Variants in GPRC6A observed in about 807,000 individuals in gnomAD.
GPRC6A encodes G protein-coupled receptor family C group 6 member A.
GPRC6A carries 54 observed loss-of-function variants against 47.0 expected under a neutral mutation model. The ratio of observed to expected loss-of-function variants is 1.15; its 90% CI spans 0.92 to 1.44. The LOEUF (loss-of-function observed/expected upper bound fraction) is 1.44. Ranked by LOEUF, GPRC6A falls within the 40% of genes most tolerant of loss-of-function variation. The pLI, the probability that GPRC6A is intolerant of heterozygous loss-of-function variation, is 0.00. For synonymous variants in GPRC6A, 347 were observed against 377.1 expected, an observed-to-expected ratio of 0.92 and a Z score of 0.93; for missense variants, 1,112 against 1,105.5, an observed-to-expected ratio of 1.01 and a Z score of -0.08.
chr6:116,824,175 T>G (rs1259906156), intron 1 of GPRC6A, among the ~76,000 whole-genome samples: 1 of 151,714 alleles, frequency 6.6e-6, no homozygotes, highest in East Asian at 1.9e-4. Flanking sequence ...AACCTAAGAA[T>G]GTATCTTAAG....
intron 1 of GPRC6A, among the ~76,000 whole-genome samples, chr6:116,826,384 C>T (rs77554140): frequency 6.6e-6 from 1 of 151,606 alleles, no homozygotes; most frequent in African/African-American, 2.4e-5. Context: ...AGAACATGAA[C>T]AGATGATTCT....
rs767813992 is a variant in GPRC6A, at chr6:116,792,647, A to C, written c.2276T>G (p.Ile759Ser). ...GAAGCAAATGAAGGCCAGGATGGCA[A>C]TGTAGCCCAGCATGGTGCCAAATGC... Reference protein sequence around the residue: ...ILAFGTMLGYIAILAFICFIF... With the variant: ...ILAFGTMLGYSAILAFICFIF... The change falls in exon 6 of 6, where the codon ATT (isoleucine) becomes AGT (serine). Residue 759 changes from isoleucine to serine, a missense_variant. Transcript: ENST00000310357. 4 of 1,613,518 alleles carry C rather than the reference A, an allele frequency of 2.5e-6. No homozygotes were observed. The African/African-American group carries it at 4.0e-5, about 16-fold the overall frequency.
At position 116,792,402 on chromosome 6, in the gene GPRC6A, G is replaced by T. The variant is rs367778621; in HGVS notation, c.2521C>A (p.Gln841Lys). 34 of 1,613,956 alleles carry T rather than the reference G, an allele frequency of 2.1e-5. No individual in the cohort carries two copies. In the African/African-American group the frequency reaches 4.1e-4, roughly 20 times the overall value. Residue 841 changes from glutamine to lysine, a missense_variant, in exon 6 of 6, where the codon CAA becomes AAA. Coordinates refer to ENST00000310357, the MANE Select transcript of GPRC6A (RefSeq NM_148963.4). The stretch of plus-strand genomic sequence containing the variant: ...AAGGCAGACTTTGTGTTAATCTCTT[G>T]CTTACAAATAATAACATAGCATTTG... ...IPKCYVIICK[Q>K]EINTKSAFLK...
rs556997885 is a variant in GPRC6A, at chr6:116,809,634, AT to A, written c.195-18del. On this transcript the variant is annotated intron_variant, in intron 1 of 5. Coordinates refer to ENST00000310357, the MANE Select transcript of GPRC6A (RefSeq NM_148963.4). Reference sequence around the variant, plus strand: ...ATTTCAAAGCTGTTGGGAAACAAGTATTTTTTGAAATCAGAACATAACTCTT... The same window carrying A: ...ATTTCAAAGCTGTTGGGAAACAAGTATTTTTGAAATCAGAACATAACTCTT... The A allele has an allele frequency of 1.1e-4, 178 of 1,581,262 alleles. No individual in the cohort carries two copies. In the African/African-American group the frequency reaches 2.3e-3, roughly 20 times the overall value.
intron 1 of GPRC6A, among the ~76,000 whole-genome samples, chr6:116,810,479 A>C (rs1048780382): frequency 1.3e-5 from 2 of 151,988 alleles, no homozygotes; most frequent in African/African-American, 4.8e-5. Context: ...ATTTTTTGCT[A>C]TTCTTTGGAC....
intron 1 of GPRC6A, among the ~76,000 whole-genome samples, chr6:116,826,324 A>G (rs552674575): frequency 3.9e-5 from 6 of 152,012 alleles, no homozygotes; most frequent in African/African-American, 1.4e-4. Context: ...TATGCATGAA[A>G]TTGAACAACT....
chr6:116,809,625 G>C lies in GPRC6A; in HGVS notation c.195-8C>G. 3 of 1,595,658 alleles carry C rather than the reference G, an allele frequency of 1.9e-6. No individual in the cohort carries two copies. The highest frequency in any genetic ancestry group is 2.6e-6 in the Non-Finnish European group (3 of 1,168,098). On this transcript the variant is annotated splice_region_variant and splice_polypyrimidine_tract_variant and intron_variant, in intron 1 of 5. Coordinates refer to ENST00000310357, the MANE Select transcript of GPRC6A (RefSeq NM_148963.4). ...AAAACTGATATTTCAAAGCTGTTGG[G>C]AAACAAGTATTTTTTGAAATCAGAA...
At chr6:116,793,340 A>G in intron 5 of GPRC6A, 90 bp from the exon 6 acceptor site, 1 of 843,102 alleles carries the variant, frequency 1.2e-6, no homozygotes, top group Non-Finnish European at 1.8e-6. Context: ...CTTCTTTAAT[A>G]GTTCTGACTA....
intron 1 of GPRC6A, among the ~76,000 whole-genome samples, chr6:116,825,460 A>G (rs1773650921): frequency 6.6e-6 from 1 of 151,984 alleles, no homozygotes; most frequent in East Asian, 1.9e-4. Flanking sequence ...CAAGAAAGCA[A>G]TCCCATTTAC....
chr6:116,811,512 T>C (rs2114602792), intron 1 of GPRC6A, among the ~76,000 whole-genome samples: 1 of 151,866 alleles, frequency 6.6e-6, no homozygotes, highest in South Asian at 2.1e-4. Flanking sequence ...CAGATCTCAA[T>C]CAAAAAGCAA....
intron 1 of GPRC6A, among the ~76,000 whole-genome samples, chr6:116,824,282 AC>A (rs966158747): frequency 7.9e-5 from 12 of 152,106 alleles, no homozygotes; most frequent in Non-Finnish European, 1.6e-4. Context: ...ACTAAAAAAA[AC>A]AAAGGATCAA....
At chr6:116,824,274 T>TAAA (rs557885039) in intron 1 of GPRC6A, among the ~76,000 whole-genome samples, 1 of 149,186 alleles carries the variant, frequency 6.7e-6, no homozygotes, top group African/African-American at 2.5e-5. Context: ...AAATAGAGAC[T>TAAA]AAAAAAAACA....
Position 116,828,821 on chromosome 6 carries a change from C to G in GPRC6A, c.193G>C (p.Gly65Arg). The change falls in exon 1 of 6, where the codon GGC (glycine) becomes CGC (arginine). Residue 65 changes from glycine to arginine, a missense_variant and splice_region_variant. Coordinates refer to ENST00000310357, the MANE Select transcript of GPRC6A (RefSeq NM_148963.4). ...PRRPQIQECV[G>R]FEISVFLQTL... ...ACGTGTTTTTTGAGACTTACTCACC[C>G]AACACACTCCTGGATTTGTGGTCGT... The G allele has an allele frequency of 6.2e-7, 1 of 1,610,332 alleles. No homozygotes were observed. Among genetic ancestry groups the G allele is most frequent in the Non-Finnish European group, 8.5e-7 (1 of 1,177,794 alleles).
At chr6:116,794,695 G>A (rs760641085) in intron 5 of GPRC6A, among the ~76,000 whole-genome samples, 1 of 152,098 alleles carries the variant, frequency 6.6e-6, no homozygotes, top group African/African-American at 2.4e-5. Context: ...AATTTTTTAG[G>A]CAGTGGTATA....
intron 5 of GPRC6A, 139 bp from the exon 6 acceptor site, chr6:116,793,389 T>A: frequency 1.9e-6 from 1 of 526,164 alleles, no homozygotes; most frequent in Non-Finnish European, 3.1e-6. Flanking sequence ...GGTTACTTAT[T>A]AAAATAAAAC....
At chr6:116,823,939 A>T (rs906131427) in intron 1 of GPRC6A, among the ~76,000 whole-genome samples, 16 of 152,054 alleles carry the variant, frequency 1.1e-4, no homozygotes, top group African/African-American at 3.9e-4. Flanking sequence ...CACTAGGGGG[A>T]TGGTGCTAAG....
Position 116,809,634 on chromosome 6 carries a change from A to G in GPRC6A, c.195-17T>C, listed in dbSNP as rs1562483433. Reference sequence around the variant, plus strand: ...ATTTCAAAGCTGTTGGGAAACAAGTATTTTTTGAAATCAGAACATAACTCT... The same window carrying G: ...ATTTCAAAGCTGTTGGGAAACAAGTGTTTTTTGAAATCAGAACATAACTCT... On this transcript the variant is annotated splice_polypyrimidine_tract_variant and intron_variant, in intron 1 of 5. Coordinates refer to ENST00000310357, the MANE Select transcript of GPRC6A (RefSeq NM_148963.4). 1.3e-6 allele frequency: 2 copies of G among 1,581,274 alleles called. No individual in the cohort carries two copies. Among genetic ancestry groups the G allele is most frequent in the Non-Finnish European group, 1.7e-6 (2 of 1,157,616 alleles).
intron 4 of GPRC6A, among the ~76,000 whole-genome samples, chr6:116,796,594 A>G (rs1411530594): frequency 6.6e-6 from 1 of 152,190 alleles, no homozygotes; most frequent in African/African-American, 2.4e-5. Context: ...GAATGGTTAA[A>G]TGAGTCTTTC....
At chr6:116,807,316 TTC>T (rs1772881421) in intron 2 of GPRC6A, 110 bp from the exon 3 acceptor site, 2 of 680,994 alleles carry the variant, frequency 2.9e-6, no homozygotes, top group Non-Finnish European at 5.1e-6. Flanking sequence ...TTTCCTTAAA[TTC>T]TCTAGTCTTT....
Sources: allele counts gnomAD v4.1 joint callset (sites outside exome capture counted in the v4.1 genomes callset), GRCh38; gene constraint gnomAD v4.1.1; transcripts MANE v1.5; gene names NCBI Gene and HGNC (gene_info 2026-07-23, HGNC 2026-07-21).